CPXM2: variants seen among roughly 807,000 people sequenced by gnomAD.
The protein encoded by CPXM2 is carboxypeptidase X, M14 family member 2, also known as inactive carboxypeptidase-like protein X2.
Under a neutral mutation model 86.1 loss-of-function variants are expected in CPXM2, and 66 were observed. The ratio of observed to expected loss-of-function variants is 0.77; its 90% CI spans 0.63 to 0.94. The LOEUF (loss-of-function observed/expected upper bound fraction) is 0.94, where lower values mean the gene tolerates loss of function less well. CPXM2 is among the 40% of genes least tolerant of loss of function. CPXM2 has a pLI of 0.00. For missense variants in CPXM2, 948 were observed against 1,026.3 expected, an observed-to-expected ratio of 0.92 and a Z score of 1.04; for synonymous variants, 388 against 400.2, an observed-to-expected ratio of 0.97 and a Z score of 0.36.
chr10:123,765,397 A>C (rs546627391), intron 10 of CPXM2, among the ~76,000 whole-genome samples: 1 of 152,350 alleles, frequency 6.6e-6, no homozygotes, highest in Non-Finnish European at 1.5e-5. Context: ...CTAAAAGCAA[A>C]GACTGAACAT....
intron 1 of CPXM2, among the ~76,000 whole-genome samples, chr10:123,890,266 C>A (rs1233231633): frequency 6.6e-6 from 1 of 152,220 alleles, no homozygotes; most frequent in East Asian, 1.9e-4. Context: ...GGTTGTCACA[C>A]AACTCAGAAA....
chr10:123,933,677 C>T (rs1945688290), intron 2 of CPXM2, among the ~76,000 whole-genome samples: 1 of 152,010 alleles, frequency 6.6e-6, no homozygotes, highest in Non-Finnish European at 1.5e-5. Flanking sequence ...GAGATCACGC[C>T]ACTGCACTCC....
At chr10:123,797,310 T>C (rs1847353955) in intron 6 of CPXM2, among the ~76,000 whole-genome samples, 1 of 152,238 alleles carries the variant, frequency 6.6e-6, no homozygotes, top group South Asian at 2.1e-4. Context: ...TAATGGTATC[T>C]GCCAATGACA....
upstream of CPXM2, among the ~76,000 whole-genome samples, chr10:123,894,061 C>T (rs1945314158): frequency 6.6e-6 from 1 of 152,192 alleles, no homozygotes; most frequent in African/African-American, 2.4e-5. Context: ...GAATCTTCTC[C>T]CTCTCATTTT....
intron 3 of CPXM2, among the ~76,000 whole-genome samples, chr10:123,851,563 A>C (rs1025536214): frequency 2.0e-5 from 3 of 152,114 alleles, no homozygotes; most frequent in Non-Finnish European, 4.4e-5. Context: ...AGATCAGGAG[A>C]TCCAGACCAT....
upstream of CPXM2, among the ~76,000 whole-genome samples, chr10:123,940,893 C>T (rs375922489): frequency 2.7e-4 from 41 of 152,244 alleles, no homozygotes; most frequent in South Asian, 6.9e-3. Flanking sequence ...GGAAATGGGC[C>T]GGACACGGTG....
chr10:123,831,732 C>A (rs994879438), intron 4 of CPXM2, among the ~76,000 whole-genome samples: 9 of 152,022 alleles, frequency 5.9e-5, no homozygotes, highest in Admixed American at 2.0e-4. Flanking sequence ...GTTGCCATAT[C>A]TCTGTTATTT....
At chr10:123,809,275 T>C (rs1377432643) in intron 4 of CPXM2, among the ~76,000 whole-genome samples, 1 of 152,144 alleles carries the variant, frequency 6.6e-6, no homozygotes, top group Non-Finnish European at 1.5e-5. Context: ...TTCCTTTAAA[T>C]GAAACGGTGA....
At chr10:123,779,747 G>C (rs1325713358) in intron 7 of CPXM2, among the ~76,000 whole-genome samples, 1 of 152,084 alleles carries the variant, frequency 6.6e-6, no homozygotes, top group Non-Finnish European at 1.5e-5. Flanking sequence ...TACCCTTCTA[G>C]AGTTATTAGG....
intron 4 of CPXM2, among the ~76,000 whole-genome samples, chr10:123,811,135 T>TTTTG (rs373298103): frequency 0.56 from 84,896 of 150,806 alleles, 25,710 homozygotes; most frequent in East Asian, 0.85. Flanking sequence ...AAAATCATTT[T>TTTTG]TTTTTTTCTT....
At chr10:123,792,218 T>C (rs1014278605) in intron 6 of CPXM2, among the ~76,000 whole-genome samples, 1 of 151,916 alleles carries the variant, frequency 6.6e-6, no homozygotes, top group Admixed American at 6.5e-5. Flanking sequence ...CAGAACAAAA[T>C]AGCCAAACCT....
At position 123,876,548 on chromosome 10, in the gene CPXM2, T is replaced by C. The variant is rs144034260; in HGVS notation, c.403+3663A>G. On this transcript the variant is annotated intron_variant, in intron 2 of 13. Coordinates refer to ENST00000241305, the MANE Select transcript of CPXM2 (RefSeq NM_198148.3). ...GCAGAGGCTGACAAACTATAGCCCA[T>C]GTAAAGGTCAAATACAGCCCACCGC... Among the ~76,000 whole-genome samples the C allele has an allele frequency of 1.4e-3, 211 of 152,306 alleles. 2 individuals are homozygous for C. The highest frequency in any genetic ancestry group is 4.4e-3 in the African/African-American group (183 of 41,564).
chr10:123,922,551 C>G (rs1331428841), intron 2 of CPXM2, among the ~76,000 whole-genome samples: 1 of 152,200 alleles, frequency 6.6e-6, no homozygotes, highest in Non-Finnish European at 1.5e-5. Context: ...CAGCAGCCAA[C>G]CCAGCCAGCT....
Position 123,761,947 on chromosome 10 carries a change from T to A in CPXM2, c.1702A>T (p.Arg568Trp), listed in dbSNP as rs1235223071. Residue 568 changes from arginine to tryptophan, a missense_variant, in exon 11 of 14, where the codon AGG becomes TGG. By Grantham distance (101) the Arg-to-Trp change is moderately radical. Coordinates refer to ENST00000241305, the MANE Select transcript of CPXM2 (RefSeq NM_198148.3). ...THRLMTDARR[R>W]VCHTEDFQKE... ...TGGAAGTCCTCCGTGTGGCACACCC[T>A]CCTCCGGGCGTCTGTCATGAGGCGG... 2.5e-6 allele frequency: 4 copies of A among 1,613,714 alleles called. No individual in the cohort carries two copies. The South Asian group carries it at 4.4e-5, about 18-fold the overall frequency.
At chr10:123,936,076 TTACC>T in intron 2 of CPXM2, among the ~76,000 whole-genome samples, 2 of 148,574 alleles carry the variant, frequency 1.3e-5, no homozygotes, top group African/African-American at 2.5e-5. Context: ...ACCACTATCT[TTACC>T]ATCACCACCA....
chr10:123,870,442 C>G (rs1944874025), intron 2 of CPXM2, among the ~76,000 whole-genome samples: 1 of 152,194 alleles, frequency 6.6e-6, no homozygotes, highest in Admixed American at 6.5e-5. Flanking sequence ...CCCTCCTGAA[C>G]TTTTGCTTTC....
At chr10:123,770,101 A>G (rs1243684617) in intron 8 of CPXM2, among the ~76,000 whole-genome samples, 1 of 152,106 alleles carries the variant, frequency 6.6e-6, no homozygotes, top group East Asian at 1.9e-4. Context: ...TGGAGAAACC[A>G]TGTCTCTACT....
intron 4 of CPXM2, among the ~76,000 whole-genome samples, chr10:123,836,256 G>C (rs928476257): frequency 6.6e-6 from 1 of 152,062 alleles, no homozygotes; most frequent in African/African-American, 2.4e-5. Flanking sequence ...CAACTCCACT[G>C]CCCTGTGGGG....
chr10:123,915,213 A>G (rs976093361), intron 2 of CPXM2, among the ~76,000 whole-genome samples: 1 of 152,114 alleles, frequency 6.6e-6, no homozygotes, highest in African/African-American at 2.4e-5. Flanking sequence ...CTGACTCTGC[A>G]CATCATCCCT....
Sources: allele counts gnomAD v4.1 joint callset (sites outside exome capture counted in the v4.1 genomes callset), GRCh38; gene constraint gnomAD v4.1.1; transcripts MANE v1.5; gene names NCBI Gene and HGNC (gene_info 2026-07-23, HGNC 2026-07-21).